Variants in PCA3 observed in about 807,000 individuals in gnomAD.
PCA3 encodes Differential Display code 3.
chr9:76,769,968 A>T (rs1004705230), intron 2 of PCA3, among the ~76,000 whole-genome samples: 1 of 152,218 alleles, frequency 6.6e-6, no homozygotes, highest in African/African-American at 2.4e-5. Flanking sequence ...TATTATAAAG[A>T]TTAACTAGAC....
intron 2 of PCA3, chr9:76,764,509 G>A (rs1234277208): frequency 1.3e-5 from 2 of 152,332 alleles, no homozygotes; most frequent in African/African-American, 4.8e-5. Flanking sequence ...TGCAGCCGAG[G>A]GAGACCAGGA....
chr9:76,782,394 C>G (rs909375097), intron 2 of PCA3, among the ~76,000 whole-genome samples: 2 of 152,076 alleles, frequency 1.3e-5, no homozygotes, highest in Non-Finnish European at 2.9e-5. Flanking sequence ...TAGTTAAGAC[C>G]ATGAACGCTA....
At chr9:76,768,897 G>T (rs868253214) in intron 2 of PCA3, among the ~76,000 whole-genome samples, 3 of 152,000 alleles carry the variant, frequency 2.0e-5, no homozygotes, top group Admixed American at 1.3e-4. Context: ...CACCAAAAAC[G>T]CTGTACTTTA....
At chr9:76,764,801 G>T (rs189334599) in intron 2 of PCA3, among the ~76,000 whole-genome samples, 10 of 152,142 alleles carry the variant, frequency 6.6e-5, no homozygotes, top group Non-Finnish European at 1.3e-4. Flanking sequence ...CAAGCTATTT[G>T]CTTGGCTTCC....
intron 2 of PCA3, among the ~76,000 whole-genome samples, chr9:76,772,349 T>A (rs10117778): frequency 0.54 from 81,662 of 151,462 alleles, 23,607 homozygotes; most frequent in African/African-American, 0.75. Flanking sequence ...ATTTTTTTTT[T>A]AAATGGCAAT....
chr9:76,785,402 G>A (rs2054874655), intron 2 of PCA3: 1 of 152,178 alleles, frequency 6.6e-6, no homozygotes, highest in Non-Finnish European at 1.5e-5. Context: ...TGTTTATGGG[G>A]CACGTTTGTA....
chr9:76,771,404 G>A (rs1259410167), intron 2 of PCA3, among the ~76,000 whole-genome samples: 1 of 152,096 alleles, frequency 6.6e-6, no homozygotes, highest in African/African-American at 2.4e-5. Flanking sequence ...CACTTAATAA[G>A]TCCTACTATA....
intron 2 of PCA3, among the ~76,000 whole-genome samples, chr9:76,769,290 C>T (rs1294368742): frequency 6.6e-6 from 1 of 152,230 alleles, no homozygotes; most frequent in African/African-American, 2.4e-5. Flanking sequence ...ACACTGGGGA[C>T]ATCCCTCAGG....
intron 2 of PCA3, among the ~76,000 whole-genome samples, chr9:76,765,050 G>A (rs12684201): frequency 0.12 from 18,068 of 152,126 alleles, 1,683 homozygotes; most frequent in East Asian, 0.41. Context: ...TTTAAATGGA[G>A]ATATCAAGCA....
intron 2 of PCA3, among the ~76,000 whole-genome samples, chr9:76,776,424 T>A (rs1259047573): frequency 6.6e-6 from 1 of 152,166 alleles, no homozygotes; most frequent in Non-Finnish European, 1.5e-5. Context: ...TCACATAGGA[T>A]AATGATCTCC....
intron 2 of PCA3, among the ~76,000 whole-genome samples, chr9:76,781,478 C>A (rs1202800721): frequency 6.6e-6 from 1 of 152,220 alleles, no homozygotes; most frequent in Non-Finnish European, 1.5e-5. Context: ...TGCTCTTACC[C>A]CTAGTCCTTT....
At chr9:76,774,667 C>T (rs1251236398) in intron 2 of PCA3, among the ~76,000 whole-genome samples, 4 of 151,928 alleles carry the variant, frequency 2.6e-5, no homozygotes, top group South Asian at 2.1e-4. Context: ...CCATATTGGT[C>T]AGGCTGGTCT....
chr9:76,767,451 C>CAAAA (rs33948203), intron 2 of PCA3, among the ~76,000 whole-genome samples: 1 of 146,474 alleles, frequency 6.8e-6, no homozygotes, highest in African/African-American at 2.5e-5. Flanking sequence ...AACTCTGTCT[C>CAAAA]AAAAAAAAAA....
chr9:76,781,890 G>C (rs1347154817), intron 2 of PCA3, among the ~76,000 whole-genome samples: 2 of 152,148 alleles, frequency 1.3e-5, no homozygotes, highest in Non-Finnish European at 2.9e-5. Flanking sequence ...CAGAATACAG[G>C]TAGGCAAGGT....
chr9:76,777,333 T>C (rs12379174), intron 2 of PCA3, among the ~76,000 whole-genome samples: 26,806 of 151,938 alleles, frequency 0.18, 2,558 homozygotes, highest in African/African-American at 0.24. Context: ...AGAAAGAATA[T>C]AATAAGCACA....
At chr9:76,781,395 C>A (rs1302460540) in intron 2 of PCA3, among the ~76,000 whole-genome samples, 2 of 152,206 alleles carry the variant, frequency 1.3e-5, no homozygotes, top group African/African-American at 4.8e-5. Flanking sequence ...AATGAATTTT[C>A]TTTCAGTTTC....
intron 2 of PCA3, among the ~76,000 whole-genome samples, chr9:76,767,790 G>T (rs919518863): frequency 1.2e-4 from 19 of 152,148 alleles, no homozygotes; most frequent in African/African-American, 4.1e-4. Flanking sequence ...CCAGCTGGAG[G>T]GAGTGCACAC....
chr9:76,771,123 ATAT>A (rs2053053007), intron 2 of PCA3, among the ~76,000 whole-genome samples: 1 of 152,168 alleles, frequency 6.6e-6, no homozygotes, highest in African/African-American at 2.4e-5. Context: ...TTCTAAAGAA[ATAT>A]TATATAAATT....
intron 2 of PCA3, chr9:76,785,037 T>C (rs2054830036): frequency 6.6e-6 from 1 of 152,214 alleles, no homozygotes; most frequent in Admixed American, 6.5e-5. Context: ...TGATTTTTTT[T>C]CCAGTATAAA....
Sources: gnomAD v4.1 joint callset for allele counts (sites outside exome capture counted in the v4.1 genomes callset) on GRCh38, gnomAD v4.1.1 for gene constraint, MANE v1.5 for transcripts, NCBI Gene and HGNC (gene_info 2026-07-23, HGNC 2026-07-21) for gene names.